The following GNA14 variants were observed in gnomAD, a reference collection of about 807,000 sequenced individuals.
GNA14 encodes the protein guanine nucleotide-binding protein subunit alpha-14.
In GNA14, 50 loss-of-function variants were observed where a neutral mutation model predicts 42.0. The ratio of observed to expected loss-of-function variants is 1.19; its 90% CI spans 0.95 to 1.51. The LOEUF is 1.51. Ranked by LOEUF, GNA14 falls within the 40% of genes most tolerant of loss-of-function variation. GNA14 has a pLI of 0.00. For missense variants in GNA14, 473 were observed against 446.2 expected, an observed-to-expected ratio of 1.06 and a Z score of -0.54; for synonymous variants, 173 against 163.1, an observed-to-expected ratio of 1.06 and a Z score of -0.46.
At chr9:77,539,015 G>T (rs777748922) in intron 1 of GNA14, among the ~76,000 whole-genome samples, 1 of 152,142 alleles carries the variant, frequency 6.6e-6, no homozygotes, top group Non-Finnish European at 1.5e-5. Flanking sequence ...TCTTTTGCCT[G>T]ACTGCTCTGG....
At chr9:77,495,100 A>G (rs1836849445) in intron 2 of GNA14, among the ~76,000 whole-genome samples, 1 of 152,166 alleles carries the variant, frequency 6.6e-6, no homozygotes. Context: ...ATGCCTGGCC[A>G]AGAGTTTTAT....
At chr9:77,520,337 A>G (rs565346601) in intron 2 of GNA14, among the ~76,000 whole-genome samples, 2 of 152,310 alleles carry the variant, frequency 1.3e-5, no homozygotes, top group East Asian at 1.9e-4. Context: ...AGAAAATGCA[A>G]TTCTGAAAGA....
chr9:77,441,486 T>C (rs867379765), intron 2 of GNA14, among the ~76,000 whole-genome samples: 2 of 152,192 alleles, frequency 1.3e-5, no homozygotes. Context: ...TATGTCTTTA[T>C]AGCAATGTGA....
At chr9:77,642,439 T>G (rs1345191523) in intron 1 of GNA14, among the ~76,000 whole-genome samples, 3 of 152,162 alleles carry the variant, frequency 2.0e-5, no homozygotes, top group Non-Finnish European at 4.4e-5. Flanking sequence ...AATGTCTATT[T>G]TAGAGTGAAC....
At chr9:77,474,765 G>A (rs1319027074) in intron 2 of GNA14, among the ~76,000 whole-genome samples, 1 of 152,104 alleles carries the variant, frequency 6.6e-6, no homozygotes, top group African/African-American at 2.4e-5. Context: ...ACTGATGTAT[G>A]GATAAACAAA....
At chr9:77,445,655 T>TCA (rs1345449510) in intron 2 of GNA14, among the ~76,000 whole-genome samples, 1 of 151,024 alleles carries the variant, frequency 6.6e-6, no homozygotes, top group Non-Finnish European at 1.5e-5. Flanking sequence ...GGCAGAAGGA[T>TCA]CACTTGAACC....
chr9:77,636,660 T>C (rs1587856645), intron 1 of GNA14, among the ~76,000 whole-genome samples: 1 of 147,328 alleles, frequency 6.8e-6, no homozygotes, highest in Non-Finnish European at 1.5e-5. Context: ...GCAAGAGAGG[T>C]GGGGAAGTGC....
chr9:77,462,593 T>C (rs929605307), intron 2 of GNA14, among the ~76,000 whole-genome samples: 1 of 151,854 alleles, frequency 6.6e-6, no homozygotes, highest in African/African-American at 2.4e-5. Flanking sequence ...TGGTGGTGGG[T>C]GCCTGTAATC....
At chr9:77,439,037 A>G (rs1327546) in intron 2 of GNA14, among the ~76,000 whole-genome samples, 45,745 of 152,070 alleles carry the variant, frequency 0.3, 7,234 homozygotes, top group African/African-American at 0.39. Flanking sequence ...CCTGTTGCAT[A>G]TAGTGATTAT....
At chr9:77,584,315 T>C (rs1460135410) in intron 1 of GNA14, among the ~76,000 whole-genome samples, 3 of 152,234 alleles carry the variant, frequency 2.0e-5, no homozygotes, top group Non-Finnish European at 4.4e-5. Flanking sequence ...GAAAATAGTA[T>C]ATGCTTATGA....
intron 1 of GNA14, among the ~76,000 whole-genome samples, chr9:77,620,494 C>T (rs1176136528): frequency 6.6e-6 from 1 of 152,192 alleles, no homozygotes; most frequent in Non-Finnish European, 1.5e-5. Context: ...CTAATTAGAG[C>T]TCTAGCAAAT....
chr9:77,536,702 A>G (rs1173861199), intron 1 of GNA14, among the ~76,000 whole-genome samples: 2 of 152,200 alleles, frequency 1.3e-5, no homozygotes, highest in African/African-American at 4.8e-5. Flanking sequence ...TGCCTAACCA[A>G]GAAGAGCAGC....
chr9:77,642,526 GAGGCTGAGGC>G (rs1824283206), intron 1 of GNA14, among the ~76,000 whole-genome samples: 1 of 152,204 alleles, frequency 6.6e-6, no homozygotes, highest in South Asian at 2.1e-4. Flanking sequence ...AGCACTTTGG[GAGGCTGAGGC>G]AGGCAGATCA....
At chr9:77,541,286 T>G (rs1173578528) in intron 1 of GNA14, among the ~76,000 whole-genome samples, 1 of 152,222 alleles carries the variant, frequency 6.6e-6, no homozygotes, top group Non-Finnish European at 1.5e-5. Context: ...TTTCTTTATT[T>G]ATGAAGAGTA....
At chr9:77,538,068 T>TC (rs1053812189) in intron 1 of GNA14, among the ~76,000 whole-genome samples, 9 of 138,672 alleles carry the variant, frequency 6.5e-5, no homozygotes, top group Admixed American at 6.9e-5. Context: ...AGAAGCTTCT[T>TC]TTTTTTTTTT....
At chr9:77,467,637 C>T (rs1587779729) in intron 2 of GNA14, among the ~76,000 whole-genome samples, 2 of 130,906 alleles carry the variant, frequency 1.5e-5, no homozygotes, top group Non-Finnish European at 3.1e-5. Flanking sequence ...TCTGGCAGAA[C>T]TGCGGAGCTC....
chr9:77,531,842 G>A (rs1004522549), intron 1 of GNA14, among the ~76,000 whole-genome samples: 1 of 152,096 alleles, frequency 6.6e-6, no homozygotes, highest in Admixed American at 6.5e-5. Flanking sequence ...TTCAGACATG[G>A]AGTATTTCAA....
chr9:77,427,043 G>A (rs1424597784), intron 5 of GNA14, among the ~76,000 whole-genome samples: 1 of 152,106 alleles, frequency 6.6e-6, no homozygotes, highest in African/African-American at 2.4e-5. Flanking sequence ...GATCTCCAAG[G>A]AAATAAAATA....
chr9:77,496,069 G>A (rs1836863593), intron 2 of GNA14, among the ~76,000 whole-genome samples: 2 of 152,192 alleles, frequency 1.3e-5, no homozygotes, highest in South Asian at 4.1e-4. Context: ...ATGCACCGGG[G>A]GAGGTAGTCT....
Sources: gnomAD v4.1 joint callset for allele counts (sites outside exome capture counted in the v4.1 genomes callset) on GRCh38, gnomAD v4.1.1 for gene constraint, MANE v1.5 for transcripts, NCBI Gene and HGNC (gene_info 2026-07-23, HGNC 2026-07-21) for gene names.